The following PDE10A variants were observed in gnomAD, a reference collection of about 807,000 sequenced individuals.
PDE10A encodes phosphodiesterase 10A.
Under a neutral mutation model 97.7 loss-of-function variants are expected in PDE10A, and 39 were observed. The observed-to-expected ratio is 0.40, with a 90% CI of 0.31 to 0.52. The LOEUF (loss-of-function observed/expected upper bound fraction) is 0.52. PDE10A is among the 20% of genes least tolerant of loss of function. PDE10A has a pLI of 0.56. For missense variants in PDE10A, 731 were observed against 1,047.8 expected (o/e 0.70, Z 4.17); for synonymous variants, 371 against 376.8 (o/e 0.98, Z 0.18).
At chr6:165,435,489 G>A (rs1176105261) in intron 5 of PDE10A, 112 bp from the exon 6 acceptor site, 1 of 878,190 alleles carries the variant, frequency 1.1e-6, no homozygotes, top group Non-Finnish European at 1.6e-6. Flanking sequence ...TAAAAGAAGA[G>A]TCATAAAATG....
intron 2 of PDE10A, among the ~76,000 whole-genome samples, chr6:165,509,180 GTATTTTTTACACGC>G (rs1781371137): frequency 3.3e-5 from 5 of 151,784 alleles, no homozygotes; most frequent in Non-Finnish European, 5.9e-5. Flanking sequence ...GTATATATAA[GTATTTTTTACACGC>G]ACAGAATGTG....
chr6:165,903,800 G>A (rs1362201574), intron 1 of PDE10A, among the ~76,000 whole-genome samples: 3 of 152,214 alleles, frequency 2.0e-5, no homozygotes, highest in Non-Finnish European at 4.4e-5. Flanking sequence ...GAACAGCCAG[G>A]AGGAAACAGG....
chr6:165,470,476 CT>C (rs1190490181), intron 3 of PDE10A, among the ~76,000 whole-genome samples: 1 of 152,170 alleles, frequency 6.6e-6, no homozygotes, highest in Non-Finnish European at 1.5e-5. Context: ...CTGAAAAAGA[CT>C]GATTGGTGCC....
intron 19 of PDE10A, among the ~76,000 whole-genome samples, 197 bp from the exon 20 acceptor site, chr6:165,339,555 C>T (rs1394968154): frequency 6.6e-6 from 1 of 152,014 alleles, no homozygotes; most frequent in Non-Finnish European, 1.5e-5. Context: ...TGATTTTCTC[C>T]ACTACTGAAT....
intron 1 of PDE10A, among the ~76,000 whole-genome samples, chr6:165,784,179 C>T (rs992495841): frequency 2.0e-5 from 3 of 151,200 alleles, no homozygotes; most frequent in African/African-American, 7.3e-5. Flanking sequence ...AAGATGACAC[C>T]ACCACACACC....
chr6:165,430,248 G>C, intron 9 of PDE10A, 39 bp downstream of exon 9: 1 of 1,437,330 alleles, frequency 7.0e-7, no homozygotes, highest in Non-Finnish European at 9.7e-7. Flanking sequence ...TTAAACCATT[G>C]ATTAATAAGA....
intron 1 of PDE10A, among the ~76,000 whole-genome samples, chr6:165,560,037 T>C (rs112890043): frequency 6.6e-6 from 1 of 152,212 alleles, no homozygotes; most frequent in African/African-American, 2.4e-5. Flanking sequence ...TTCCCTGATA[T>C]GCACACTCTG....
intron 2 of PDE10A, among the ~76,000 whole-genome samples, chr6:165,517,727 G>C (rs1482239105): frequency 1.3e-5 from 2 of 152,190 alleles, no homozygotes; most frequent in Non-Finnish European, 2.9e-5. Flanking sequence ...GGGGTGAATG[G>C]AGGGCAGGAT....
chr6:165,476,633 GA>G (rs1408782997), intron 3 of PDE10A, among the ~76,000 whole-genome samples: 6 of 152,104 alleles, frequency 3.9e-5, no homozygotes, highest in Admixed American at 2.0e-4. Flanking sequence ...TAAAACAATT[GA>G]GAAAGCTCAC....
chr6:165,425,770 C>CATGTGTGTGTGTGTGTGTGTGTGTGT (rs112669910), intron 10 of PDE10A, among the ~76,000 whole-genome samples: 24 of 144,114 alleles, frequency 1.7e-4, no homozygotes, highest in African/African-American at 6.0e-4. Flanking sequence ...AAGGCATGAT[C>CATGTGTGTGTGTGTGTGTGTGTGTGT]GTGTGTGTGT....
chr6:165,417,427 C>A (rs1788398250), intron 11 of PDE10A, among the ~76,000 whole-genome samples: 1 of 152,216 alleles, frequency 6.6e-6, no homozygotes. Context: ...GCCGCCCTTA[C>A]ATAAATGGCT....
chr6:165,384,604 A>G (rs1333544127), intron 17 of PDE10A, among the ~76,000 whole-genome samples: 1 of 140,940 alleles, frequency 7.1e-6, no homozygotes, highest in Non-Finnish European at 1.5e-5. Context: ...CCCTACCATG[A>G]GTAACGTGTG....
intron 1 of PDE10A, among the ~76,000 whole-genome samples, chr6:165,977,869 A>T (rs1314061382): frequency 6.6e-6 from 1 of 152,258 alleles, no homozygotes; most frequent in Non-Finnish European, 1.5e-5. Context: ...AGAAAAAACA[A>T]GTAAATTGTG....
chr6:165,987,757 C>G (rs1009129012), exon 1 of PDE10A: 4 of 456,334 alleles, frequency 8.8e-6, no homozygotes, highest in African/African-American at 4.0e-5. Flanking sequence ...AGGCAGATTC[C>G]AAAGGCTTGG....
chr6:165,603,302 G>A (rs1787055696), intron 1 of PDE10A, among the ~76,000 whole-genome samples: 1 of 152,136 alleles, frequency 6.6e-6, no homozygotes, highest in Admixed American at 6.5e-5. Context: ...AAATCTCACT[G>A]GTGCTTTATC....
chr6:165,911,436 A>G (rs926897992), intron 1 of PDE10A, among the ~76,000 whole-genome samples: 3 of 152,214 alleles, frequency 2.0e-5, no homozygotes, highest in Admixed American at 6.5e-5. Context: ...CCCCCGAACA[A>G]ACTATGTACT....
At chr6:165,408,725 C>T (rs1033840038) in intron 13 of PDE10A, among the ~76,000 whole-genome samples, 7 of 152,132 alleles carry the variant, frequency 4.6e-5, no homozygotes, top group African/African-American at 7.2e-5. Context: ...AGCCACCAGT[C>T]TTCATCAGAC....
At chr6:165,950,503 G>A (rs1446430815) in intron 1 of PDE10A, among the ~76,000 whole-genome samples, 3 of 152,162 alleles carry the variant, frequency 2.0e-5, no homozygotes, top group Non-Finnish European at 2.9e-5. Flanking sequence ...GAAGGACACC[G>A]GGCGGGAGCT....
chr6:165,566,951 C>CT (rs34176082), intron 1 of PDE10A, among the ~76,000 whole-genome samples: 1 of 152,134 alleles, frequency 6.6e-6, no homozygotes, highest in Non-Finnish European at 1.5e-5. Context: ...AAATTACACC[C>CT]TTAAAAGTGC....
Sources: gnomAD v4.1 joint callset for allele counts (sites outside exome capture counted in the v4.1 genomes callset) on GRCh38, gnomAD v4.1.1 for gene constraint, MANE v1.5 for transcripts, NCBI Gene and HGNC (gene_info 2026-07-23, HGNC 2026-07-21) for gene names.